The following CARMIL1 variants were observed in gnomAD, a reference collection of about 807,000 sequenced individuals.
CARMIL1 encodes the protein capping protein regulator and myosin 1 linker 1.
In CARMIL1, 90 loss-of-function variants were observed where a neutral mutation model predicts 177.1. That is an observed-to-expected ratio of 0.51 (90% CI 0.43 to 0.61). The LOEUF is 0.61. Among genes scored for constraint, CARMIL1 ranks in the 20% least tolerant of loss-of-function variants. The pLI, the probability that CARMIL1 is intolerant of heterozygous loss-of-function variation, is 0.00. For missense variants in CARMIL1, 1,380 were observed against 1,667.0 expected (o/e 0.83, Z 3.00); for synonymous variants, 577 against 606.2 (o/e 0.95, Z 0.71).
chr6:25,573,053 G>A (rs1812247350), intron 29 of CARMIL1, among the ~76,000 whole-genome samples: 1 of 152,076 alleles, frequency 6.6e-6, no homozygotes. Context: ...CCCTCTATGG[G>A]CTCTGGGGAT....
At chr6:25,499,281 C>T (rs960309317) in intron 16 of CARMIL1, among the ~76,000 whole-genome samples, 4 of 152,226 alleles carry the variant, frequency 2.6e-5, no homozygotes, top group Non-Finnish European at 5.9e-5. Context: ...CTAGTACTTA[C>T]CACTGGCAGC....
chr6:25,598,916 G>A lies in CARMIL1; in HGVS notation c.3120-1398G>A, dbSNP rs577085662. ...TTTGGAAACTTTGATCTCCTGCCTG[G>A]CAGGTATAAACCTGCCTGTCTGATT... On this transcript the variant is annotated intron_variant, in intron 32 of 36. Coordinates refer to ENST00000329474, the MANE Select transcript of CARMIL1 (RefSeq NM_017640.6). 1.6e-4 allele frequency among the ~76,000 whole-genome samples: 25 copies of A among 152,206 alleles called. No individual in the cohort carries two copies. In the East Asian group the frequency reaches 4.6e-3, roughly 28 times the overall value.
At chr6:25,472,370 TC>T in intron 10 of CARMIL1, 56 bp from the exon 11 acceptor site, 1 of 1,179,320 alleles carries the variant, frequency 8.5e-7, no homozygotes, top group Non-Finnish European at 1.2e-6. Flanking sequence ...CTTTAAATGT[TC>T]CGTTCGAATG....
intron 2 of CARMIL1, among the ~76,000 whole-genome samples, chr6:25,348,496 G>A (rs1169809895): frequency 6.6e-6 from 1 of 151,778 alleles, no homozygotes; most frequent in Non-Finnish European, 1.5e-5. Context: ...TTAAGAAAGA[G>A]CAATAGGCTG....
At position 25,381,837 on chromosome 6, in the gene CARMIL1, A is replaced by G. The variant is rs1392122087; in HGVS notation, c.139-38277A>G. ...TCACTGGTCATTGGTGATTAGTTCAATCTCCATCCCTTCTTCCCTCCCCAG... is the reference window on the plus strand; with the variant it reads ...TCACTGGTCATTGGTGATTAGTTCAGTCTCCATCCCTTCTTCCCTCCCCAG... On this transcript the variant is annotated intron_variant, in intron 2 of 36. Transcript: ENST00000329474. 5.3e-5 allele frequency among the ~76,000 whole-genome samples: 8 copies of G among 152,126 alleles called. No individual in the cohort carries two copies. The East Asian group carries it at 7.8e-4, about 15-fold the overall frequency.
At chr6:25,408,883 A>G (rs1263560638) in intron 2 of CARMIL1, among the ~76,000 whole-genome samples, 2 of 152,168 alleles carry the variant, frequency 1.3e-5, no homozygotes, top group Non-Finnish European at 2.9e-5. Flanking sequence ...GAAGTTCAGC[A>G]TATCTAGGAG....
chr6:25,308,536 C>A (rs2150196031), intron 2 of CARMIL1, among the ~76,000 whole-genome samples: 1 of 152,170 alleles, frequency 6.6e-6, no homozygotes, highest in Non-Finnish European at 1.5e-5. Flanking sequence ...CGCGTGCCAC[C>A]ACACCTGGTT....
At position 25,365,541 on chromosome 6, in the gene CARMIL1, C is replaced by T. The variant is rs142359900; in HGVS notation, c.139-54573C>T. 1.1e-4 allele frequency among the ~76,000 whole-genome samples: 17 copies of T among 152,146 alleles called. No individual in the cohort carries two copies. In the East Asian group the frequency reaches 1.2e-3, roughly 10 times the overall value. On this transcript the variant is annotated intron_variant, in intron 2 of 36. Transcript: ENST00000329474. Reference sequence around the variant, plus strand: ...CCAGTATTGGAGAAGAATTGCCGTCCGCCCCCCTCACTTTATTTATTTATT... The same window carrying T: ...CCAGTATTGGAGAAGAATTGCCGTCTGCCCCCCTCACTTTATTTATTTATT...
intron 26 of CARMIL1, among the ~76,000 whole-genome samples, chr6:25,541,908 C>G (rs751030615): frequency 1.2e-3 from 189 of 152,316 alleles, no homozygotes; most frequent in Middle Eastern, 3.4e-3. Context: ...ATTTGCTTGC[C>G]TTTGCCTCCC....
intron 2 of CARMIL1, among the ~76,000 whole-genome samples, chr6:25,332,291 T>A (rs1047947429): frequency 2.0e-5 from 3 of 152,228 alleles, no homozygotes; most frequent in Non-Finnish European, 4.4e-5. Flanking sequence ...TTTACAAATA[T>A]TTTTTGAGTG....
chr6:25,510,718 C>T lies in CARMIL1; in HGVS notation c.1588C>T (p.Pro530Ser), dbSNP rs373049310. The T allele has an allele frequency of 3.2e-6, 5 of 1,548,362 alleles. No individual in the cohort carries two copies. The African/African-American group carries it at 4.1e-5, about 13-fold the overall frequency. ...CTAAAATCTCTTTAGAAATCTGACA[C>T]CTGTATTGGACAACTTAGTACAGAT... ...FNNMKSKNLTPVLDNLVQMIQ... is the reference protein window; with the variant it reads ...FNNMKSKNLTSVLDNLVQMIQ... Residue 530 changes from proline to serine, a missense_variant, in exon 20 of 37, where the codon CCT becomes TCT. By Grantham distance (74) the Pro-to-Ser change is moderately conservative (BLOSUM62 -1). Coordinates refer to ENST00000329474, the MANE Select transcript of CARMIL1 (RefSeq NM_017640.6).
Position 25,326,907 on chromosome 6 carries a change from AGG to A in CARMIL1, c.138+41999_138+42000del, listed in dbSNP as rs1460465063. Among the ~76,000 whole-genome samples, 41 of 152,108 alleles carry A rather than the reference AGG, an allele frequency of 2.7e-4. No individual in the cohort carries two copies. Among genetic ancestry groups the A allele is most frequent in the African/African-American group, 9.2e-4 (38 of 41,430 alleles). On this transcript the variant is annotated intron_variant, in intron 2 of 36. Coordinates refer to ENST00000329474, the MANE Select transcript of CARMIL1 (RefSeq NM_017640.6). The surrounding 1 kb of genome is among the most constrained non-coding windows in gnomAD (Gnocchi z 4.2). ...GATCTTGGCTCACTGCAACCTGATAAGGACCTTGTTTATTGTGATGAGGGAGA... is the reference window on the plus strand; with the variant it reads ...GATCTTGGCTCACTGCAACCTGATAAACCTTGTTTATTGTGATGAGGGAGA...
At chr6:25,603,972 A>G (rs1815683526) in intron 33 of CARMIL1, among the ~76,000 whole-genome samples, 2 of 152,142 alleles carry the variant, frequency 1.3e-5, no homozygotes, top group African/African-American at 4.8e-5. Context: ...GATCTGTGTC[A>G]TGTGGTTCTA....
chr6:25,312,271 G>A (rs1783887191), intron 2 of CARMIL1, among the ~76,000 whole-genome samples: 1 of 152,132 alleles, frequency 6.6e-6, no homozygotes, highest in African/African-American at 2.4e-5. Flanking sequence ...CTTCCTATTT[G>A]TCATAAACTT....
chr6:25,452,213 A>C, intron 8 of CARMIL1: 2 of 758,946 alleles, frequency 2.6e-6, no homozygotes, highest in Non-Finnish European at 4.8e-6. Flanking sequence ...TAAAGCCTCC[A>C]GTTCTCAGGC....
intron 25 of CARMIL1, 74 bp from the exon 26 acceptor site, chr6:25,539,873 T>C: frequency 8.5e-7 from 1 of 1,172,570 alleles, no homozygotes; most frequent in South Asian, 1.7e-5. Flanking sequence ...TTCACCCTTC[T>C]CATTCACTCT....
At chr6:25,426,429 T>A (rs894402907) in intron 3 of CARMIL1, 72 bp from the exon 4 acceptor site, 6 of 1,006,674 alleles carry the variant, frequency 6.0e-6, no homozygotes, top group African/African-American at 1.7e-5. Context: ...TTTTTTTTTT[T>A]ACCTTAAGTT....
At chr6:25,371,342 T>C (rs902503481) in intron 2 of CARMIL1, among the ~76,000 whole-genome samples, 2 of 152,212 alleles carry the variant, frequency 1.3e-5, no homozygotes, top group Non-Finnish European at 2.9e-5. Context: ...CTGTTTTCCA[T>C]AGAGGTTGTA....
intron 8 of CARMIL1, 181 bp from the exon 9 acceptor site, chr6:25,465,692 A>C: frequency 1.8e-6 from 1 of 566,260 alleles, no homozygotes; most frequent in Non-Finnish European, 3.1e-6. Context: ...ATTTACTTCA[A>C]CTTTTGGGAA....
Sources: gnomAD v4.1 joint callset for allele counts (sites outside exome capture counted in the v4.1 genomes callset) on GRCh38, gnomAD v4.1.1 for gene constraint, Gnocchi (gnomAD v3.1) non-coding constraint, MANE v1.5 for transcripts, NCBI Gene and HGNC (gene_info 2026-07-23, HGNC 2026-07-21) for gene names.